PRMT3: variants seen among roughly 807,000 people sequenced by gnomAD.
PRMT3 encodes protein arginine methyltransferase 3, also known as protein arginine N-methyltransferase 3.
PRMT3 carries 62 observed loss-of-function variants against 71.9 expected under a neutral mutation model. That is an observed-to-expected ratio of 0.86 (90% CI 0.70 to 1.07). The LOEUF is 1.07. Ranked by LOEUF, PRMT3 falls within the 50% of genes least tolerant of loss-of-function variation. The pLI, the probability that PRMT3 is intolerant of heterozygous loss-of-function variation, is 0.00. For synonymous variants in PRMT3, 213 were observed against 220.4 expected, an observed-to-expected ratio of 0.97 and a Z score of 0.30; for missense variants, 663 against 643.0, an observed-to-expected ratio of 1.03 and a Z score of -0.34.
At chr11:20,500,213 A>G (rs1443794302) in intron 15 of PRMT3, among the ~76,000 whole-genome samples, 10 of 152,246 alleles carry the variant, frequency 6.6e-5, no homozygotes, top group African/African-American at 2.4e-4. Context: ...ATATATGCAA[A>G]ACTTGTATAT....
intron 7 of PRMT3, among the ~76,000 whole-genome samples, chr11:20,398,904 A>G (rs867935436): frequency 6.6e-6 from 1 of 152,226 alleles, no homozygotes; most frequent in African/African-American, 2.4e-5. Flanking sequence ...ATTAAGCAAC[A>G]TGTGACTGTA....
intron 10 of PRMT3, among the ~76,000 whole-genome samples, chr11:20,433,448 A>G (rs1197107267): frequency 6.6e-6 from 1 of 151,732 alleles, no homozygotes; most frequent in East Asian, 1.9e-4. Flanking sequence ...TTCTTTATCC[A>G]CTCTGTCACT....
intron 10 of PRMT3, among the ~76,000 whole-genome samples, chr11:20,437,750 C>T (rs1022040111): frequency 6.6e-5 from 10 of 152,032 alleles, no homozygotes; most frequent in African/African-American, 2.4e-4. Context: ...CCACCATGCC[C>T]GGCTAATTTT....
At chr11:20,494,784 C>A (rs1397573522) in intron 15 of PRMT3, among the ~76,000 whole-genome samples, 1 of 152,090 alleles carries the variant, frequency 6.6e-6, no homozygotes, top group Non-Finnish European at 1.5e-5. Flanking sequence ...ATAAGACTAC[C>A]TGGCTCTTAA....
chr11:20,440,667 TCTA>T (rs68054217), intron 10 of PRMT3, among the ~76,000 whole-genome samples: 6,063 of 152,116 alleles, frequency 0.04, 233 homozygotes, highest in East Asian at 0.2. Flanking sequence ...TGGTTAGTAT[TCTA>T]CTATATATTA....
rs569425304 is a variant in PRMT3 at position 20,429,986 on chromosome 11, A to G, written c.993+3121A>G. ...TGAGAAGCTGGAAAACATCAATTAC[A>G]TAATTAAACAAAGGGCAGGTATGCT... is the stretch of plus-strand genomic sequence containing the variant. On this transcript the variant is annotated intron_variant, in intron 10 of 15. Coordinates refer to ENST00000331079, the MANE Select transcript of PRMT3 (RefSeq NM_005788.4). Among the ~76,000 whole-genome samples the G allele has an allele frequency of 3.3e-5, 5 of 152,204 alleles. No individual in the cohort carries two copies. The East Asian group carries it at 5.8e-4, about 18-fold the overall frequency.
intron 13 of PRMT3, among the ~76,000 whole-genome samples, chr11:20,483,459 T>C (rs1474338113): frequency 6.6e-6 from 1 of 151,306 alleles, no homozygotes; most frequent in Non-Finnish European, 1.5e-5. Flanking sequence ...ATCATTGATA[T>C]CAAGCAGTGG....
intron 10 of PRMT3, among the ~76,000 whole-genome samples, chr11:20,445,094 G>C (rs534304463): frequency 0.03 from 4,541 of 149,604 alleles, 225 homozygotes; most frequent in African/African-American, 0.11. Flanking sequence ...TAGGTTAAAA[G>C]TGGATTTCTT....
At chr11:20,429,226 C>T (rs1256810811) in intron 10 of PRMT3, among the ~76,000 whole-genome samples, 1 of 152,142 alleles carries the variant, frequency 6.6e-6, no homozygotes, top group Non-Finnish European at 1.5e-5. Context: ...TGTTCCATCT[C>T]ACATCATTAG....
intron 11 of PRMT3, among the ~76,000 whole-genome samples, chr11:20,456,900 G>C (rs1041456082): frequency 2.0e-4 from 30 of 151,922 alleles, no homozygotes; most frequent in African/African-American, 6.8e-4. Flanking sequence ...TTTTAATGGA[G>C]TCTGTCCCTG....
rs117811322 is a variant in PRMT3, at chr11:20,487,189, A to C, written c.1348-6730A>C. Among the ~76,000 whole-genome samples, 856 of 152,342 alleles carry C rather than the reference A, an allele frequency of 5.6e-3. 4 individuals carry two copies. The highest frequency in any genetic ancestry group is 9.1e-3 in the Non-Finnish European group (621 of 68,030). ...ACCGAGGGATATTCAGGCAAACAGC[A>C]AATGATCCCTGATGGAAGGCCAGAA... On this transcript the variant is annotated intron_variant, in intron 13 of 15. Coordinates refer to ENST00000331079, the MANE Select transcript of PRMT3 (RefSeq NM_005788.4).
chr11:20,486,006 G>A (rs1851062801), intron 13 of PRMT3, among the ~76,000 whole-genome samples: 1 of 152,120 alleles, frequency 6.6e-6, no homozygotes. Context: ...GCATATCCAT[G>A]CAATGGAATA....
chr11:20,403,621 C>G (rs1368503114), intron 8 of PRMT3, among the ~76,000 whole-genome samples: 3 of 149,408 alleles, frequency 2.0e-5, no homozygotes, highest in African/African-American at 7.4e-5. Flanking sequence ...TTCTCTTTTT[C>G]CCTCTCTCTT....
intron 12 of PRMT3, among the ~76,000 whole-genome samples, chr11:20,462,871 CAA>C (rs776026016): frequency 6.7e-6 from 1 of 149,780 alleles, no homozygotes; most frequent in East Asian, 2.0e-4. Context: ...GTCTTTGTCT[CAA>C]GAGAAAAAAA....
At chr11:20,389,347 G>C (rs1848663289) in intron 2 of PRMT3, among the ~76,000 whole-genome samples, 1 of 152,230 alleles carries the variant, frequency 6.6e-6, no homozygotes, top group South Asian at 2.1e-4. Context: ...AGTTTGAGCT[G>C]TGCCAGTTCA....
intron 15 of PRMT3, 25 bp downstream of exon 15, chr11:20,494,279 G>GT: frequency 6.7e-7 from 1 of 1,486,304 alleles, no homozygotes; most frequent in Non-Finnish European, 9.4e-7. Flanking sequence ...TAGGGGGGAA[G>GT]TATCTTATTC....
rs150702431 is a variant in PRMT3 at position 20,397,696 on chromosome 11, A to G, written c.680A>G (p.Tyr227Cys). 10 of 1,613,938 alleles carry G rather than the reference A, an allele frequency of 6.2e-6. No homozygotes were observed. The highest frequency in any genetic ancestry group is 4.0e-5 in the African/African-American group (3 of 74,918). ...DGVYFSSYGHYGIHEEMLKDK... is the reference protein window; with the variant it reads ...DGVYFSSYGHCGIHEEMLKDK... The stretch of plus-strand genomic sequence containing the variant: ...GTTTATTTCAGCTCATACGGGCATT[A>G]TGGGATACATGAAGAAATGCTAAAG... The change falls in exon 7 of 16, where the codon TAT becomes TGT. Residue 227 changes from tyrosine to cysteine, a missense_variant. Coordinates refer to ENST00000331079, the MANE Select transcript of PRMT3 (RefSeq NM_005788.4).
chr11:20,483,336 G>T (rs936927834), intron 13 of PRMT3, among the ~76,000 whole-genome samples: 2 of 152,096 alleles, frequency 1.3e-5, no homozygotes, highest in Non-Finnish European at 1.5e-5. Context: ...ACTTACGACT[G>T]ATAGTATCTT....
intron 11 of PRMT3, among the ~76,000 whole-genome samples, chr11:20,454,681 A>G (rs1009709610): frequency 2.0e-5 from 3 of 152,186 alleles, no homozygotes; most frequent in African/African-American, 4.8e-5. Flanking sequence ...ATCACAAAGC[A>G]AAGTTTTCCT....
Sources: allele counts gnomAD v4.1 joint callset (sites outside exome capture counted in the v4.1 genomes callset), GRCh38; gene constraint gnomAD v4.1.1; transcripts MANE v1.5; gene names NCBI Gene and HGNC (gene_info 2026-07-23, HGNC 2026-07-21).